CLIC4: variants seen among roughly 807,000 people sequenced by gnomAD.
CLIC4 encodes chloride intracellular channel protein 4.
Under a neutral mutation model 24.6 loss-of-function variants are expected in CLIC4, and 13 were observed. The observed-to-expected ratio is 0.53, with a 90% CI of 0.34 to 0.84. The LOEUF (loss-of-function observed/expected upper bound fraction) is 0.84. CLIC4 is among the 40% of genes least tolerant of loss of function. The pLI is 0.01. For synonymous variants in CLIC4, 104 were observed against 111.3 expected, an observed-to-expected ratio of 0.93 and a Z score of 0.41; for missense variants, 227 against 301.7, an observed-to-expected ratio of 0.75 and a Z score of 1.83.
chr1:24,829,506 T>A (rs1639819148), intron 4 of CLIC4, among the ~76,000 whole-genome samples: 2 of 152,220 alleles, frequency 1.3e-5, no homozygotes, highest in Admixed American at 6.5e-5. Flanking sequence ...TTTGTGGGGA[T>A]GTATTAAGTA....
intron 1 of CLIC4, among the ~76,000 whole-genome samples, chr1:24,756,535 A>G (rs1008433404): frequency 1.3e-5 from 2 of 152,184 alleles, no homozygotes; most frequent in Admixed American, 6.5e-5. Flanking sequence ...ACTCATTCTT[A>G]TGAAAAGATT....
chr1:24,799,738 G>A (rs1639457136), intron 2 of CLIC4, among the ~76,000 whole-genome samples: 1 of 137,984 alleles, frequency 7.2e-6, no homozygotes, highest in Non-Finnish European at 1.6e-5. Flanking sequence ...GCCCCGTCCG[G>A]GAGGGAGGTG....
chr1:24,813,385 AGAACCAC>A, intron 2 of CLIC4, among the ~76,000 whole-genome samples: 1 of 151,688 alleles, frequency 6.6e-6, no homozygotes, highest in East Asian at 2.0e-4. Flanking sequence ...TTTAAATTTT[AGAACCAC>A]TTTGATCTCT....
At chr1:24,809,360 G>T (rs1639589194) in intron 2 of CLIC4, among the ~76,000 whole-genome samples, 1 of 152,174 alleles carries the variant, frequency 6.6e-6, no homozygotes, top group Admixed American at 6.5e-5. Flanking sequence ...GCCAGAGAGA[G>T]AATATGAATA....
chr1:24,765,956 C>T (rs757640740), intron 1 of CLIC4, among the ~76,000 whole-genome samples: 5 of 151,694 alleles, frequency 3.3e-5, no homozygotes, highest in African/African-American at 1.2e-4. Context: ...GGATTACAGG[C>T]GCCCACCATC....
In CLIC4 at chr1:24,841,101, A is replaced by ACACTCC; in HGVS notation, c.*165_*170dup. On this transcript the variant is annotated 3_prime_UTR_variant, in exon 6 of 6. Coordinates refer to ENST00000374379, the MANE Select transcript of CLIC4 (RefSeq NM_013943.3). ...AGGTATAGTAGTTATCTTAAAATAT[A>ACACTCC]CACTCCTAAGCAGTATTATTTTAAA... is the stretch of plus-strand genomic sequence containing the variant. The ACACTCC allele has an allele frequency of 8.0e-6, 4 of 498,484 alleles. No homozygotes were observed. Among genetic ancestry groups the ACACTCC allele is most frequent in the Middle Eastern group, 5.8e-4 (2 of 3,438 alleles). 30.9% of individuals were successfully genotyped at this position (498,484 alleles called of 1,614,324 possible).
At chr1:24,815,773 G>T (rs942139227) in intron 3 of CLIC4, among the ~76,000 whole-genome samples, 5 of 152,200 alleles carry the variant, frequency 3.3e-5, no homozygotes, top group African/African-American at 1.2e-4. Context: ...TTCTTTGCCT[G>T]AGGCTAATCT....
At chr1:24,795,225 T>A (rs1011828596) in intron 1 of CLIC4, among the ~76,000 whole-genome samples, 1 of 152,180 alleles carries the variant, frequency 6.6e-6, no homozygotes, top group Non-Finnish European at 1.5e-5. Flanking sequence ...GGGGCATACA[T>A]GATGGGACTA....
intron 1 of CLIC4, among the ~76,000 whole-genome samples, chr1:24,790,698 C>T (rs1298276221): frequency 6.6e-6 from 1 of 152,082 alleles, no homozygotes; most frequent in Non-Finnish European, 1.5e-5. Context: ...CTCCTCTGAC[C>T]CCATCCCAGG....
chr1:24,815,168 T>G (rs1639655475), intron 3 of CLIC4, among the ~76,000 whole-genome samples: 3 of 152,232 alleles, frequency 2.0e-5, no homozygotes, highest in Admixed American at 2.0e-4. Flanking sequence ...AATAGCATTA[T>G]GTCTGAAAAT....
At chr1:24,801,067 ATAAAT>A (rs1190816433) in intron 2 of CLIC4, among the ~76,000 whole-genome samples, 2 of 26,164 alleles carry the variant, frequency 7.6e-5, no homozygotes, top group African/African-American at 1.6e-4. Flanking sequence ...CAATAAAAAA[ATAAAT>A]TAAAAAAAAA....
At chr1:24,755,329 C>A (rs1432501580) in intron 1 of CLIC4, among the ~76,000 whole-genome samples, 2 of 151,070 alleles carry the variant, frequency 1.3e-5, no homozygotes, top group African/African-American at 4.9e-5. Flanking sequence ...ATCCCAGCTA[C>A]TCAGGAGGCT....
intron 3 of CLIC4, among the ~76,000 whole-genome samples, chr1:24,819,995 C>T (rs111392957): frequency 0.33 from 45,234 of 136,532 alleles, 8,044 homozygotes; most frequent in Middle Eastern, 0.51. Context: ...CCCACCTCAG[C>T]CTCCCAAAGT....
chr1:24,775,224 C>CTTTCTTTTT (rs1639119913), intron 1 of CLIC4, among the ~76,000 whole-genome samples: 1 of 90,660 alleles, frequency 1.1e-5, no homozygotes, highest in Non-Finnish European at 2.1e-5. Flanking sequence ...TTCTTTCTTT[C>CTTTCTTTTT]TTTTTTTTTT....
intron 1 of CLIC4, among the ~76,000 whole-genome samples, chr1:24,780,946 G>T (rs1639195426): frequency 1.3e-5 from 2 of 151,856 alleles, no homozygotes; most frequent in South Asian, 4.2e-4. Flanking sequence ...AACTAGCTGG[G>T]CACGGTGGCG....
chr1:24,815,012 T>TGGTTCCAGACCATTGCGAGTTA (rs1339303662), intron 3 of CLIC4, among the ~76,000 whole-genome samples: 48 of 152,184 alleles, frequency 3.2e-4, no homozygotes, highest in Admixed American at 1.6e-3. Flanking sequence ...CTGAAGGGTA[T>TGGTTCCAGACCATTGCGAGTTA]GGTTCCAGAC....
At chr1:24,803,835 T>C (rs1201644896) in intron 2 of CLIC4, among the ~76,000 whole-genome samples, 1 of 152,188 alleles carries the variant, frequency 6.6e-6, no homozygotes, top group East Asian at 1.9e-4. Flanking sequence ...CTGATTTCAC[T>C]GGGACCTGGG....
intron 1 of CLIC4, among the ~76,000 whole-genome samples, chr1:24,765,270 A>G (rs1158684192): frequency 2.6e-5 from 4 of 152,238 alleles, no homozygotes; most frequent in Non-Finnish European, 5.9e-5. Flanking sequence ...TGTGTTGACT[A>G]CATCTATGAA....
intron 2 of CLIC4, among the ~76,000 whole-genome samples, chr1:24,810,677 G>A (rs1163369606): frequency 2.0e-5 from 3 of 151,832 alleles, no homozygotes; most frequent in Non-Finnish European, 4.4e-5. Context: ...GGAGGCTGAG[G>A]TAGGAGAATT....
Sources: allele counts gnomAD v4.1 joint callset (sites outside exome capture counted in the v4.1 genomes callset), GRCh38; gene constraint gnomAD v4.1.1; transcripts MANE v1.5; gene names NCBI Gene and HGNC (gene_info 2026-07-23, HGNC 2026-07-21).